The following MDGA2 variants were observed in gnomAD, a reference collection of about 807,000 sequenced individuals.
MDGA2 encodes the protein MAM domain containing glycosylphosphatidylinositol anchor 2.
MDGA2 carries 40 observed loss-of-function variants against 117.8 expected under a neutral mutation model. The observed-to-expected ratio is 0.34, with a 90% confidence interval of 0.26 to 0.44. MDGA2 has a LOEUF of 0.44. Ranked by LOEUF, MDGA2 falls within the 20% of genes least tolerant of loss-of-function variation. MDGA2 has a pLI of 1.00. For synonymous variants in MDGA2, 452 were observed against 439.0 expected (o/e 1.03, Z -0.37); for missense variants, 1,123 against 1,250.6 (o/e 0.90, Z 1.54).
rs541250048 is a variant in MDGA2 at position 47,236,463 on chromosome 14, T to C, written c.421-18268A>G. ...TAACATAAAGAGACTGAGATTCACA[T>C]GCTATTTCTGTGATAAAGAAATGTT... On this transcript the variant is annotated intron_variant, in intron 2 of 16. Transcript: ENST00000399232. Among the ~76,000 whole-genome samples, 35 of 152,256 alleles carry C rather than the reference T, an allele frequency of 2.3e-4. No individual in the cohort carries two copies. The South Asian group carries it at 6.6e-3, about 29-fold the overall frequency.
At chr14:47,452,891 A>G (rs1327071181) in intron 1 of MDGA2, among the ~76,000 whole-genome samples, 1 of 152,144 alleles carries the variant, frequency 6.6e-6, no homozygotes, top group African/African-American at 2.4e-5. Flanking sequence ...AGGTAGAGAC[A>G]TAAGACTGAA....
chr14:47,378,847 A>C (rs1172340304), intron 1 of MDGA2, among the ~76,000 whole-genome samples: 1 of 152,176 alleles, frequency 6.6e-6, no homozygotes, highest in African/African-American at 2.4e-5. Flanking sequence ...CCAACATTCA[A>C]ATTCAGGAAA....
At chr14:47,412,828 G>T (rs2416069) in intron 1 of MDGA2, among the ~76,000 whole-genome samples, 109,602 of 152,062 alleles carry the variant, frequency 0.72, 40,002 homozygotes, top group East Asian at 1. Flanking sequence ...CAAGGTGAGA[G>T]TCTCAGAAAA....
intron 1 of MDGA2, among the ~76,000 whole-genome samples, chr14:47,667,585 A>T (rs1897998392): frequency 6.6e-6 from 1 of 152,226 alleles, no homozygotes; most frequent in Admixed American, 6.5e-5. Flanking sequence ...GTGGCTTCAG[A>T]TAAAAATATA....
chr14:47,657,757 T>C (rs1195457904), intron 1 of MDGA2, among the ~76,000 whole-genome samples: 1 of 152,172 alleles, frequency 6.6e-6, no homozygotes, highest in Admixed American at 6.5e-5. Flanking sequence ...GCAATGATAA[T>C]GGAATTTACT....
chr14:46,964,084 T>C (rs1885919425), intron 8 of MDGA2, among the ~76,000 whole-genome samples: 1 of 152,136 alleles, frequency 6.6e-6, no homozygotes, highest in Admixed American at 6.5e-5. Flanking sequence ...TCCTATCTTT[T>C]GAAGCACCCA....
At chr14:47,041,910 G>A (rs996796953) in intron 7 of MDGA2, among the ~76,000 whole-genome samples, 1 of 151,936 alleles carries the variant, frequency 6.6e-6, no homozygotes, top group Non-Finnish European at 1.5e-5. Context: ...TTAAAAATAT[G>A]ACTGTAGTGC....
At chr14:47,631,626 C>A (rs1249509855) in intron 1 of MDGA2, among the ~76,000 whole-genome samples, 1 of 152,186 alleles carries the variant, frequency 6.6e-6, no homozygotes, top group Non-Finnish European at 1.5e-5. Flanking sequence ...ACCAAAATTA[C>A]TTTTCACCCA....
At chr14:47,512,421 C>T (rs2138696301) in intron 1 of MDGA2, among the ~76,000 whole-genome samples, 1 of 152,150 alleles carries the variant, frequency 6.6e-6, no homozygotes. Context: ...AACTGTAGTT[C>T]AAAATCACTC....
intron 8 of MDGA2, among the ~76,000 whole-genome samples, chr14:46,966,618 T>A (rs954584966): frequency 6.6e-6 from 1 of 152,174 alleles, no homozygotes; most frequent in African/African-American, 2.4e-5. Context: ...AATTTTGGTA[T>A]TACCCATATA....
At chr14:47,669,667 G>T (rs1158839350) in intron 1 of MDGA2, among the ~76,000 whole-genome samples, 1 of 152,146 alleles carries the variant, frequency 6.6e-6, no homozygotes, top group Non-Finnish European at 1.5e-5. Context: ...GAATGTGCAT[G>T]AGTGTGTAGG....
At chr14:47,095,571 A>G (rs1879915324) in intron 6 of MDGA2, among the ~76,000 whole-genome samples, 2 of 151,952 alleles carry the variant, frequency 1.3e-5, no homozygotes, top group Admixed American at 1.3e-4. Context: ...ACATTATGGT[A>G]GTTTAACTGG....
At chr14:47,115,447 A>G (rs1028237720) in intron 5 of MDGA2, among the ~76,000 whole-genome samples, 1 of 151,994 alleles carries the variant, frequency 6.6e-6, no homozygotes, top group Non-Finnish European at 1.5e-5. Flanking sequence ...CGAGAAATAT[A>G]TAGATTTTGT....
intron 8 of MDGA2, among the ~76,000 whole-genome samples, chr14:47,015,071 A>G (rs948821214): frequency 6.6e-6 from 1 of 152,166 alleles, no homozygotes; most frequent in African/African-American, 2.4e-5. Flanking sequence ...GTGAATAGGG[A>G]GACCCAAGGA....
At position 46,873,513 on chromosome 14, in the gene MDGA2, A is replaced by G. The variant is rs756001459; in HGVS notation, c.2672T>C (p.Ile891Thr). The G allele has an allele frequency of 6.2e-7, 1 of 1,612,650 alleles. No homozygotes were observed. The highest frequency in any genetic ancestry group is 8.5e-7 in the Non-Finnish European group (1 of 1,179,072). Residue 891 changes from isoleucine to threonine, a missense_variant, in exon 14 of 17, where the codon ATA (isoleucine) becomes ACA (threonine). Ile to Thr is a moderately conservative substitution (Grantham distance 89). Around this residue, in one of 2 missense-constraint regions of MDGA2, gnomAD observed 890 missense variants for 1,050.3 expected, o/e 0.85. Transcript: ENST00000399232. The part of the protein sequence containing the change: ...KARLLSPVFS[I>T]APKNPYGPTN... ...GGGTCCATAAGGGTTTTTGGGAGCT[A>G]TGCTGAAAACAGGGCTGAGAAGTCG...
chr14:47,613,479 T>TCTCTCACACACACA (rs1023859588), intron 1 of MDGA2, among the ~76,000 whole-genome samples: 45 of 141,168 alleles, frequency 3.2e-4, no homozygotes, highest in African/African-American at 1.2e-3. Flanking sequence ...TCTCTCTCTC[T>TCTCTCACACACACA]CACACACACA....
At chr14:47,490,272 A>G (rs755235984) in intron 1 of MDGA2, among the ~76,000 whole-genome samples, 14 of 152,106 alleles carry the variant, frequency 9.2e-5, no homozygotes, top group Non-Finnish European at 2.1e-4. Flanking sequence ...CTTGCAGAAA[A>G]GTTGAACTCT....
chr14:46,874,411 A>C (rs1882142300), intron 12 of MDGA2, among the ~76,000 whole-genome samples: 2 of 151,900 alleles, frequency 1.3e-5, no homozygotes, highest in Non-Finnish European at 2.9e-5. Context: ...GTAAATTAAT[A>C]TCTTATTGAA....
In MDGA2 at chr14:47,042,594, T is replaced by C. The variant is rs556149073; in HGVS notation, c.1526-7290A>G. ...AGATTGGCTTCATAAGCATGAGACATGCACATGGATATACTCGGATTTTGA... is the reference window on the plus strand; with the variant it reads ...AGATTGGCTTCATAAGCATGAGACACGCACATGGATATACTCGGATTTTGA... On this transcript the variant is annotated intron_variant, in intron 7 of 16. Transcript: ENST00000399232. 1.4e-4 allele frequency among the ~76,000 whole-genome samples: 21 copies of C among 152,260 alleles called. No individual in the cohort carries two copies. In the East Asian group the frequency reaches 3.9e-3, roughly 28 times the overall value.
Sources: gnomAD v4.1 joint callset for allele counts (sites outside exome capture counted in the v4.1 genomes callset) on GRCh38, gnomAD v4.1.1 for gene constraint, gnomAD v4.1.1 regional missense constraint, MANE v1.5 for transcripts, NCBI Gene and HGNC (gene_info 2026-07-23, HGNC 2026-07-21) for gene names.